MIPOL1: variants seen among roughly 807,000 people sequenced by gnomAD.
MIPOL1 encodes mirror-image polydactyly 1.
A neutral mutation model predicts 60.9 loss-of-function variants in MIPOL1; 57 were observed. That is an observed-to-expected ratio of 0.94 (90% CI 0.76 to 1.17). MIPOL1 has a LOEUF of 1.17. MIPOL1 is among the 50% of genes most tolerant of loss of function. MIPOL1 has a pLI of 0.00. For missense variants in MIPOL1, 551 were observed against 511.6 expected (o/e 1.08, Z -0.74); for synonymous variants, 179 against 168.8 (o/e 1.06, Z -0.47).
At chr14:37,253,541 TAAAAC>T (rs1014385343) in intron 3 of MIPOL1, among the ~76,000 whole-genome samples, 1 of 151,656 alleles carries the variant, frequency 6.6e-6, no homozygotes, top group Non-Finnish European at 1.5e-5. Flanking sequence ...TAAAAAAAAT[TAAAAC>T]AAAGGTGGTT....
chr14:37,474,968 T>C (rs910021461), intron 11 of MIPOL1, among the ~76,000 whole-genome samples: 7 of 152,104 alleles, frequency 4.6e-5, no homozygotes, highest in African/African-American at 7.2e-5. Context: ...TTTTTATTTT[T>C]ATTTTTATTT....
intron 9 of MIPOL1, among the ~76,000 whole-genome samples, chr14:37,323,648 A>G (rs1567467220): frequency 1.3e-5 from 2 of 152,080 alleles, no homozygotes; most frequent in African/African-American, 4.8e-5. Flanking sequence ...ATACATAAAT[A>G]TTAAACTGGC....
intron 7 of MIPOL1, among the ~76,000 whole-genome samples, chr14:37,298,603 A>T (rs892751761): frequency 5.3e-5 from 8 of 152,338 alleles, no homozygotes; most frequent in African/African-American, 1.9e-4. Context: ...ACAAATTTAC[A>T]AGAAAAAAAC....
intron 12 of MIPOL1, among the ~76,000 whole-genome samples, chr14:37,545,254 A>G (rs956472367): frequency 1.3e-5 from 2 of 152,212 alleles, no homozygotes; most frequent in African/African-American, 2.4e-5. Context: ...AATAAACTTA[A>G]AATTTCATAG....
chr14:37,544,612 G>T (rs2095540931), intron 12 of MIPOL1, among the ~76,000 whole-genome samples: 1 of 152,188 alleles, frequency 6.6e-6, no homozygotes, highest in Non-Finnish European at 1.5e-5. Flanking sequence ...CTACCTTCCT[G>T]TTGGCACAGC....
intron 12 of MIPOL1, among the ~76,000 whole-genome samples, chr14:37,508,979 A>G (rs2095304301): frequency 6.6e-6 from 1 of 151,658 alleles, no homozygotes; most frequent in Non-Finnish European, 1.5e-5. Context: ...ATTTTTTTCT[A>G]CCTTTATGAC....
intron 6 of MIPOL1, among the ~76,000 whole-genome samples, chr14:37,281,340 C>T (rs147222819): frequency 1.8e-3 from 278 of 152,260 alleles, no homozygotes; most frequent in Non-Finnish European, 2.8e-3. Context: ...TTTCTGGCTG[C>T]TCTATCCTGT....
chr14:37,336,114 T>G (rs957059929), intron 9 of MIPOL1, among the ~76,000 whole-genome samples: 18 of 150,958 alleles, frequency 1.2e-4, no homozygotes, highest in Admixed American at 9.2e-4. Context: ...GGTTTTTTTT[T>G]TTTTTTTTTG....
intron 1 of MIPOL1, among the ~76,000 whole-genome samples, chr14:37,229,641 A>G (rs572448495): frequency 9.9e-5 from 15 of 152,198 alleles, no homozygotes; most frequent in South Asian, 8.3e-4. Flanking sequence ...AAATAAAACT[A>G]TTAGGAGGAA....
chr14:37,469,787 G>T lies in MIPOL1; in HGVS notation c.1032-30121G>T, dbSNP rs564056308. On this transcript the variant is annotated intron_variant, in intron 11 of 12. Coordinates refer to ENST00000684589, the MANE Select transcript of MIPOL1 (RefSeq NM_001388067.1). ...ACTCCTAAAAAAAAGGATAAGGTCA[G>T]CCCCCATTTTCTCTCTCTTGTGTGT... 4.6e-5 allele frequency among the ~76,000 whole-genome samples: 7 copies of T among 152,226 alleles called. No individual in the cohort carries two copies. In the East Asian group the frequency reaches 1.4e-3, roughly 29 times the overall value.
chr14:37,312,393 G>A lies in MIPOL1; in HGVS notation c.828+3874G>A, dbSNP rs2087429233. On this transcript the variant is annotated intron_variant, in intron 9 of 12. Coordinates refer to ENST00000684589, the MANE Select transcript of MIPOL1 (RefSeq NM_001388067.1). Reference sequence around the variant, plus strand: ...CCCAAAGTGCTGGGATTACAGTTGTGAGCCACCTGCCCAGCCTTGATTTTA... The same window carrying A: ...CCCAAAGTGCTGGGATTACAGTTGTAAGCCACCTGCCCAGCCTTGATTTTA... Among the ~76,000 whole-genome samples, 2 of 152,082 alleles carry A rather than the reference G, an allele frequency of 1.3e-5. 1 individual carries two copies. Among genetic ancestry groups the A allele is most frequent in the African/African-American group, 4.8e-5 (2 of 41,412 alleles).
intron 11 of MIPOL1, among the ~76,000 whole-genome samples, chr14:37,489,104 T>G (rs528489827): frequency 2.6e-5 from 4 of 152,226 alleles, no homozygotes; most frequent in Non-Finnish European, 5.9e-5. Context: ...CAATCAAAAG[T>G]AGATTTTGTC....
At chr14:37,360,084 G>A (rs529960682) in intron 9 of MIPOL1, among the ~76,000 whole-genome samples, 1 of 152,194 alleles carries the variant, frequency 6.6e-6, no homozygotes, top group East Asian at 1.9e-4. Context: ...CAATCATGTG[G>A]TTTTTGTCAT....
chr14:37,317,731 C>G (rs575909108), intron 9 of MIPOL1, among the ~76,000 whole-genome samples: 1 of 152,174 alleles, frequency 6.6e-6, no homozygotes, highest in Admixed American at 6.5e-5. Flanking sequence ...GAGAAAAAGG[C>G]ACTAGAAATA....
chr14:37,443,864 A>G (rs1297276789), intron 11 of MIPOL1, among the ~76,000 whole-genome samples: 2 of 152,168 alleles, frequency 1.3e-5, no homozygotes, highest in Non-Finnish European at 2.9e-5. Flanking sequence ...TTTGAAAATC[A>G]ATGTAATTTA....
intron 12 of MIPOL1, among the ~76,000 whole-genome samples, chr14:37,516,861 A>G (rs981505926): frequency 2.6e-5 from 4 of 152,188 alleles, no homozygotes; most frequent in Admixed American, 6.5e-5. Flanking sequence ...TGAACCAAAC[A>G]AATGAAGCTT....
chr14:37,236,132 C>T (rs933361207), intron 1 of MIPOL1, among the ~76,000 whole-genome samples: 1 of 151,862 alleles, frequency 6.6e-6, no homozygotes, highest in African/African-American at 2.4e-5. Context: ...CACTGTGTTG[C>T]TTAGGCTGGT....
At chr14:37,298,085 G>A (rs149171795) in intron 7 of MIPOL1, among the ~76,000 whole-genome samples, 1,879 of 152,194 alleles carry the variant, frequency 0.012, 14 homozygotes, top group Middle Eastern at 0.031. Flanking sequence ...ACAGCATGGT[G>A]CTGGTACCAA....
At chr14:37,368,030 A>T (rs997862205) in intron 9 of MIPOL1, among the ~76,000 whole-genome samples, 1 of 152,080 alleles carries the variant, frequency 6.6e-6, no homozygotes, top group Non-Finnish European at 1.5e-5. Context: ...GTAAATTTTT[A>T]AAAATGTGAT....
Sources: allele counts gnomAD v4.1 joint callset (sites outside exome capture counted in the v4.1 genomes callset), GRCh38; gene constraint gnomAD v4.1.1; transcripts MANE v1.5; gene names NCBI Gene and HGNC (gene_info 2026-07-23, HGNC 2026-07-21).